BLTP1: variants seen among roughly 807,000 people sequenced by gnomAD.
BLTP1 encodes fragile site-associated protein.
chr4:122,239,464 C>A, the BLTP1 span: 6 of 1,362,462 alleles, frequency 4.4e-6, no homozygotes, highest in Non-Finnish European at 5.0e-6. Context: ...TGTTTTTATG[C>A]TTAAATTTTA....
the BLTP1 span, among the ~76,000 whole-genome samples, chr4:122,310,384 A>C: frequency 9.2e-4 from 140 of 152,256 alleles, no homozygotes; most frequent in African/African-American, 3.1e-3. Context: ...AATTAATGAG[A>C]GAAAAGCATA....
chr4:122,329,872 A>G, the BLTP1 span, among the ~76,000 whole-genome samples: 10 of 151,676 alleles, frequency 6.6e-5, no homozygotes, highest in Non-Finnish European at 3.0e-5. Flanking sequence ...TTGATTAGCA[A>G]CGGCCAACCT....
the BLTP1 span, chr4:122,343,268 T>G: frequency 9.4e-7 from 1 of 1,068,828 alleles, no homozygotes; most frequent in South Asian, 1.8e-5. Flanking sequence ...AGGATTTAAA[T>G]CTATTGATCT....
chr4:122,200,277 T>C, the BLTP1 span: 1 of 985,150 alleles, frequency 1.0e-6, no homozygotes, highest in African/African-American at 1.7e-5. Flanking sequence ...GCTTTTCCCT[T>C]TGCAGAAATG....
the BLTP1 span, among the ~76,000 whole-genome samples, chr4:122,345,676 A>G: frequency 6.6e-6 from 1 of 152,092 alleles, no homozygotes; most frequent in African/African-American, 2.4e-5. Flanking sequence ...AAGTTAAGAA[A>G]TGGGTTGATG....
chr4:122,272,464 T>C, the BLTP1 span: 1 of 1,377,432 alleles, frequency 7.3e-7, no homozygotes, highest in Admixed American at 2.4e-5. Flanking sequence ...GCTACTTCTC[T>C]GAAGAAAACC....
chr4:122,339,464 C>A, the BLTP1 span: 2 of 1,245,974 alleles, frequency 1.6e-6, no homozygotes, highest in South Asian at 1.8e-5. Context: ...ATTTTTAAAT[C>A]AATATTTTAA....
chr4:122,262,760 GT>G, the BLTP1 span: 1 of 1,573,818 alleles, frequency 6.4e-7, no homozygotes, highest in Admixed American at 1.9e-5. Context: ...TACACTTTCT[GT>G]AGGGCATTCA....
chr4:122,271,133 A>T, the BLTP1 span: 8 of 1,613,940 alleles, frequency 5.0e-6, no homozygotes, highest in Non-Finnish European at 6.8e-6. Context: ...GAACTCTACC[A>T]GTGCCCTTTC....
the BLTP1 span, chr4:122,353,917 A>G: frequency 6.2e-7 from 1 of 1,613,990 alleles, no homozygotes; most frequent in Non-Finnish European, 8.5e-7. The surrounding 1 kb of genome is among the most constrained non-coding windows in gnomAD (Gnocchi z 4.3). Flanking sequence ...GTCCTATGGC[A>G]ACAATAACCA....
the BLTP1 span, among the ~76,000 whole-genome samples, chr4:122,212,699 C>T: frequency 6.6e-6 from 1 of 151,968 alleles, no homozygotes; most frequent in Admixed American, 6.6e-5. Context: ...TAAATATATG[C>T]TTTCATTTTA....
chr4:122,340,379 C>A, the BLTP1 span, among the ~76,000 whole-genome samples: 1 of 152,152 alleles, frequency 6.6e-6, no homozygotes, highest in South Asian at 2.1e-4. Flanking sequence ...GGGGGAAATA[C>A]CTTTCTGATT....
the BLTP1 span, chr4:122,244,123 G>T: frequency 7.6e-7 from 1 of 1,310,914 alleles, no homozygotes; most frequent in Non-Finnish European, 1.0e-6. Context: ...GAAGATTGTT[G>T]ATAGTTATAA....
chr4:122,243,115 A>G, the BLTP1 span: 1 of 1,550,428 alleles, frequency 6.4e-7, no homozygotes, highest in African/African-American at 1.4e-5. Flanking sequence ...TGATTATGAG[A>G]TGGGTAGAGT....
chr4:122,202,619 A>G, the BLTP1 span: 1 of 638,718 alleles, frequency 1.6e-6, no homozygotes, highest in Non-Finnish European at 1.9e-6. Flanking sequence ...ATAGATACCT[A>G]TCATCAAGTA....
At chr4:122,186,011 A>AT in the BLTP1 span, 5 of 1,496,748 alleles carry the variant, frequency 3.3e-6, no homozygotes, top group East Asian at 9.4e-5. Context: ...TTGACTAAAA[A>AT]TTTTTTTGTA....
the BLTP1 span, chr4:122,347,541 T>G: frequency 3.2e-5 from 52 of 1,613,356 alleles, no homozygotes; most frequent in African/African-American, 6.5e-4. Flanking sequence ...CAGGGACACC[T>G]GATTCCATTG....
the BLTP1 span, chr4:122,220,171 T>G: frequency 1.2e-4 from 38 of 314,736 alleles, 1 homozygote; most frequent in South Asian, 4.5e-3. Flanking sequence ...CAGCTAACGA[T>G]CCTACTGAGG....
the BLTP1 span, among the ~76,000 whole-genome samples, chr4:122,320,756 G>T: frequency 6.6e-6 from 1 of 151,998 alleles, no homozygotes; most frequent in African/African-American, 2.4e-5. Flanking sequence ...CACTCTGACA[G>T]TCTGTCTTTT....
Sources: allele counts gnomAD v4.1 joint callset (sites outside exome capture counted in the v4.1 genomes callset), GRCh38; gene constraint gnomAD v4.1.1; non-coding constraint Gnocchi (gnomAD v3.1); transcripts MANE v1.5; gene names NCBI Gene and HGNC (gene_info 2026-07-23, HGNC 2026-07-21).